Variants in ETV6 observed in about 807,000 individuals in gnomAD.
ETV6 encodes the protein ETS variant transcription factor 6.
ETV6 carries 16 observed loss-of-function variants against 51.1 expected under a neutral mutation model. The observed-to-expected ratio is 0.31, with a 90% confidence interval of 0.21 to 0.48. ETV6 has a LOEUF of 0.48. Ranked by LOEUF, ETV6 falls within the 20% of genes least tolerant of loss-of-function variation. The probability of loss-of-function intolerance (pLI) is 0.99; values close to 1 mark genes in which losing one functional copy is unlikely to be tolerated. For missense variants in ETV6, 458 were observed against 594.8 expected, an observed-to-expected ratio of 0.77 and a Z score of 2.39; for synonymous variants, 240 against 224.1, an observed-to-expected ratio of 1.07 and a Z score of -0.64.
At chr12:11,667,452 G>T (rs1442964299) in intron 1 of ETV6, among the ~76,000 whole-genome samples, 2 of 152,080 alleles carry the variant, frequency 1.3e-5, no homozygotes. Context: ...AATCTAATCT[G>T]GAGACTATCC....
intron 2 of ETV6, among the ~76,000 whole-genome samples, chr12:11,822,115 C>G (rs918583234): frequency 6.6e-6 from 1 of 152,144 alleles, no homozygotes; most frequent in African/African-American, 2.4e-5. Context: ...CCTTCCAGAC[C>G]GCAAAATCCA....
intron 1 of ETV6, among the ~76,000 whole-genome samples, chr12:11,656,339 C>A (rs1863999057): frequency 6.6e-6 from 1 of 152,206 alleles, no homozygotes; most frequent in South Asian, 2.1e-4. Context: ...TTCCAAAGTG[C>A]AGCCATTTTT....
chr12:11,743,147 T>C (rs1865841443), intron 1 of ETV6, among the ~76,000 whole-genome samples: 1 of 152,170 alleles, frequency 6.6e-6, no homozygotes, highest in South Asian at 2.1e-4. Flanking sequence ...CGACAAAGGC[T>C]GGGTATTGTT....
chr12:11,714,689 CACTT>C (rs553015134), intron 1 of ETV6, among the ~76,000 whole-genome samples: 8 of 143,168 alleles, frequency 5.6e-5, no homozygotes, highest in Middle Eastern at 3.8e-3. Flanking sequence ...TGATGGAAGA[CACTT>C]ACAGACATGT....
At chr12:11,858,376 G>A (rs1353296482) in intron 4 of ETV6, among the ~76,000 whole-genome samples, 1 of 145,558 alleles carries the variant, frequency 6.9e-6, no homozygotes, top group Non-Finnish European at 1.5e-5. Flanking sequence ...TTTTATTTTG[G>A]GTTTTATCCC....
At chr12:11,792,089 A>G (rs1300453410) in intron 2 of ETV6, among the ~76,000 whole-genome samples, 1 of 152,230 alleles carries the variant, frequency 6.6e-6, no homozygotes, top group Non-Finnish European at 1.5e-5. Flanking sequence ...GCAAATAGAT[A>G]AATCAATATA....
At chr12:11,740,165 G>A (rs115935422) in intron 1 of ETV6, among the ~76,000 whole-genome samples, 458 of 152,246 alleles carry the variant, frequency 3.0e-3, no homozygotes, top group African/African-American at 0.01. Flanking sequence ...GTACCTTTAC[G>A]CCAGGCAGAA....
intron 1 of ETV6, among the ~76,000 whole-genome samples, chr12:11,724,054 G>GT (rs1048561871): frequency 6.6e-6 from 1 of 152,072 alleles, no homozygotes; most frequent in African/African-American, 2.4e-5. Context: ...AGGGTGCTGT[G>GT]TGTCAGCTCT....
At chr12:11,792,383 G>A (rs1468857256) in intron 2 of ETV6, among the ~76,000 whole-genome samples, 1 of 152,104 alleles carries the variant, frequency 6.6e-6, no homozygotes, top group Non-Finnish European at 1.5e-5. Flanking sequence ...CTCTGAGACG[G>A]ATTACATTTA....
At chr12:11,794,807 A>G (rs894154252) in intron 2 of ETV6, among the ~76,000 whole-genome samples, 8 of 152,094 alleles carry the variant, frequency 5.3e-5, no homozygotes, top group Non-Finnish European at 7.3e-5. Context: ...CCATGCAGAC[A>G]TCAATGAGAT....
intron 1 of ETV6, among the ~76,000 whole-genome samples, chr12:11,679,228 A>AT (rs574628208): frequency 4.6e-5 from 7 of 151,498 alleles, no homozygotes; most frequent in Non-Finnish European, 7.4e-5. Context: ...TCAAAGGATC[A>AT]TTTTTTTTTC....
intron 1 of ETV6, among the ~76,000 whole-genome samples, chr12:11,749,141 A>G (rs1043331699): frequency 2.6e-5 from 4 of 152,190 alleles, no homozygotes; most frequent in African/African-American, 9.7e-5. Context: ...ATGTAACCAC[A>G]TCACGGCATT....
chr12:11,880,050 AAG>A (rs1491533858), intron 5 of ETV6, among the ~76,000 whole-genome samples: 11 of 150,406 alleles, frequency 7.3e-5, no homozygotes, highest in African/African-American at 1.7e-4. Context: ...AAAAAAAAAA[AAG>A]GAAAAAAAAT....
intron 1 of ETV6, among the ~76,000 whole-genome samples, chr12:11,658,652 G>A (rs374001331): frequency 1.9e-3 from 295 of 152,322 alleles, no homozygotes; most frequent in African/African-American, 6.7e-3. Context: ...TCTTGTCACT[G>A]TCCCATTGAG....
intron 1 of ETV6, among the ~76,000 whole-genome samples, chr12:11,654,441 C>G (rs1863961740): frequency 6.6e-6 from 1 of 152,148 alleles, no homozygotes; most frequent in Admixed American, 6.5e-5. Context: ...TCTTAGGCCA[C>G]TGCATTCTCT....
At chr12:11,655,293 C>T (rs979566359) in intron 1 of ETV6, among the ~76,000 whole-genome samples, 4 of 152,134 alleles carry the variant, frequency 2.6e-5, no homozygotes, top group African/African-American at 9.7e-5. Context: ...GGGTCCACCA[C>T]TTCCATATTT....
intron 2 of ETV6, among the ~76,000 whole-genome samples, chr12:11,815,908 T>C (rs1363497403): frequency 2.0e-5 from 3 of 152,194 alleles, no homozygotes; most frequent in Admixed American, 2.0e-4. Flanking sequence ...CAGTTTCTGC[T>C]TTTTTGCTGT....
intron 2 of ETV6, among the ~76,000 whole-genome samples, chr12:11,836,203 C>T: frequency 6.6e-6 from 1 of 152,218 alleles, no homozygotes; most frequent in Admixed American, 6.5e-5. Context: ...TTCTACACCA[C>T]AACCTTTTTA....
intron 2 of ETV6, among the ~76,000 whole-genome samples, chr12:11,766,783 G>A (rs763019820): frequency 1.3e-5 from 2 of 152,170 alleles, no homozygotes; most frequent in African/African-American, 4.8e-5. Flanking sequence ...GGCAGTCAGG[G>A]GAGAATGCAG....
Sources: gnomAD v4.1 joint callset for allele counts (sites outside exome capture counted in the v4.1 genomes callset) on GRCh38, gnomAD v4.1.1 for gene constraint, MANE v1.5 for transcripts, NCBI Gene and HGNC (gene_info 2026-07-23, HGNC 2026-07-21) for gene names.